The following CADM1 variants were observed in gnomAD, a reference collection of about 807,000 sequenced individuals.
CADM1 encodes TSLC-1.
Under a neutral mutation model 53.1 loss-of-function variants are expected in CADM1, and 15 were observed. That is an observed-to-expected ratio of 0.28 (90% CI 0.19 to 0.44). The LOEUF (loss-of-function observed/expected upper bound fraction) is 0.44, where lower values mean the gene tolerates loss of function less well. Ranked by LOEUF, CADM1 falls within the 20% of genes least tolerant of loss-of-function variation. The probability of loss-of-function intolerance (pLI) is 1.00; values close to 1 mark genes in which losing one functional copy is unlikely to be tolerated. For synonymous variants in CADM1, 281 were observed against 243.0 expected (o/e 1.16, Z -1.45); for missense variants, 434 against 611.3 (o/e 0.71, Z 3.06).
intron 1 of CADM1, among the ~76,000 whole-genome samples, chr11:115,484,855 G>C (rs920111299): frequency 6.6e-6 from 1 of 151,824 alleles, no homozygotes. Context: ...GCTGAGGCAG[G>C]AGAATGGCGT....
At chr11:115,338,936 G>T (rs1591723078) in intron 1 of CADM1, among the ~76,000 whole-genome samples, 2 of 125,794 alleles carry the variant, frequency 1.6e-5, no homozygotes, top group Admixed American at 8.9e-5. Flanking sequence ...GGGTACATGT[G>T]CACATTGTGC....
intron 1 of CADM1, among the ~76,000 whole-genome samples, chr11:115,305,016 T>C (rs1337870183): frequency 6.6e-6 from 1 of 152,018 alleles, no homozygotes; most frequent in Non-Finnish European, 1.5e-5. Context: ...AATTCAAGAC[T>C]GCACAGACTG....
intron 1 of CADM1, among the ~76,000 whole-genome samples, chr11:115,392,294 A>G (rs1946855739): frequency 1.3e-5 from 2 of 152,140 alleles, no homozygotes; most frequent in African/African-American, 2.4e-5. Context: ...CACGTAATAG[A>G]TACTCAATAA....
chr11:115,438,595 A>G (rs1300486967), intron 1 of CADM1, among the ~76,000 whole-genome samples: 1 of 152,228 alleles, frequency 6.6e-6, no homozygotes, highest in Non-Finnish European at 1.5e-5. Context: ...AGAAAAATTT[A>G]TAGGCAAGTG....
At chr11:115,482,654 T>C (rs1393624662) in intron 1 of CADM1, among the ~76,000 whole-genome samples, 1 of 152,224 alleles carries the variant, frequency 6.6e-6, no homozygotes, top group African/African-American at 2.4e-5. Context: ...TGGTTAATTC[T>C]GTTTGGAAAA....
chr11:115,434,773 A>G (rs1948141084), intron 1 of CADM1, among the ~76,000 whole-genome samples: 2 of 152,060 alleles, frequency 1.3e-5, no homozygotes, highest in African/African-American at 4.8e-5. Flanking sequence ...AATGGAATGA[A>G]CTATACTCTC....
intron 1 of CADM1, among the ~76,000 whole-genome samples, chr11:115,266,043 T>G (rs1943124757): frequency 6.6e-6 from 1 of 152,158 alleles, no homozygotes; most frequent in Non-Finnish European, 1.5e-5. Context: ...TTAATAAGCC[T>G]TCCAGATGAT....
intron 1 of CADM1, among the ~76,000 whole-genome samples, chr11:115,387,900 T>TAAA (rs575681501): frequency 6.9e-6 from 1 of 144,352 alleles, no homozygotes; most frequent in South Asian, 2.2e-4. Flanking sequence ...CTTTCTCCTC[T>TAAA]AAAAAAAAAA....
intron 1 of CADM1, among the ~76,000 whole-genome samples, chr11:115,493,118 T>C (rs1949535827): frequency 6.6e-6 from 1 of 151,876 alleles, no homozygotes. Context: ...GGCAGGAAAA[T>C]ACAATGTAAA....
At chr11:115,490,542 GCGCCTA>G (rs1260699034) in intron 1 of CADM1, among the ~76,000 whole-genome samples, 2 of 151,902 alleles carry the variant, frequency 1.3e-5, no homozygotes, top group Non-Finnish European at 2.9e-5. Flanking sequence ...GGGACTACAG[GCGCCTA>G]CCACCACGCC....
At chr11:115,273,451 A>G (rs1434868252) in intron 1 of CADM1, among the ~76,000 whole-genome samples, 1 of 152,244 alleles carries the variant, frequency 6.6e-6, no homozygotes, top group Non-Finnish European at 1.5e-5. Context: ...CATACCAGAT[A>G]TCAGTTCGAT....
chr11:115,433,178 T>G (rs1221922048), intron 1 of CADM1, among the ~76,000 whole-genome samples: 1 of 152,194 alleles, frequency 6.6e-6, no homozygotes, highest in Non-Finnish European at 1.5e-5. Context: ...TGCTGATTGC[T>G]GTACAGTGAC....
In CADM1 at chr11:115,214,827, T is replaced by G. The variant is rs754040804; in HGVS notation, c.822-47A>C. Reference sequence around the variant, plus strand: ...GACAAGTCACATTATCATTCCCCATTGCATCAAACTGCTCACCCACATGCA... The same window carrying G: ...GACAAGTCACATTATCATTCCCCATGGCATCAAACTGCTCACCCACATGCA... On this transcript the variant is annotated intron_variant, in intron 6 of 11. Coordinates refer to ENST00000331581, the MANE Select transcript of CADM1 (RefSeq NM_001301043.2). 1.2e-5 allele frequency: 18 copies of G among 1,551,118 alleles called. No homozygotes were observed. In the Admixed American group the frequency reaches 3.0e-4, roughly 26 times the overall value.
intron 1 of CADM1, among the ~76,000 whole-genome samples, chr11:115,266,622 C>T (rs1943148028): frequency 6.6e-6 from 1 of 152,204 alleles, no homozygotes; most frequent in Non-Finnish European, 1.5e-5. Flanking sequence ...TAATTTATAG[C>T]CACATGAGTA....
intron 1 of CADM1, among the ~76,000 whole-genome samples, chr11:115,324,903 T>A (rs914611197): frequency 4.6e-5 from 7 of 152,184 alleles, no homozygotes; most frequent in African/African-American, 1.7e-4. Flanking sequence ...TCACTGGTAT[T>A]GGCAAGCTCT....
At chr11:115,260,815 G>A (rs1942951614) in intron 1 of CADM1, among the ~76,000 whole-genome samples, 1 of 151,192 alleles carries the variant, frequency 6.6e-6, no homozygotes, top group African/African-American at 2.4e-5. Flanking sequence ...TGGGACTACA[G>A]GCGCCTGCCA....
At chr11:115,364,045 T>C (rs1284431625) in intron 1 of CADM1, among the ~76,000 whole-genome samples, 1 of 150,926 alleles carries the variant, frequency 6.6e-6, no homozygotes, top group African/African-American at 2.4e-5. Context: ...CACTCTATGA[T>C]CCACAAAAAA....
chr11:115,182,992 C>T (rs920961762), intron 10 of CADM1, among the ~76,000 whole-genome samples: 1 of 152,184 alleles, frequency 6.6e-6, no homozygotes, highest in Non-Finnish European at 1.5e-5. Flanking sequence ...GCTTTAGCAT[C>T]TTAGAAATTG....
Position 115,307,515 on chromosome 11 carries a change from A to ATAT in CADM1, c.125-67096_125-67095insATA, listed in dbSNP as rs1045833980. 2.4e-3 allele frequency among the ~76,000 whole-genome samples: 286 copies of ATAT among 117,868 alleles called. 2 individuals are homozygous for ATAT. The highest frequency in any genetic ancestry group is 0.021 in the South Asian group (60 of 2,820). 77.3% of individuals were successfully genotyped at this position (117,868 alleles called of 152,430 possible). Reference sequence around the variant, plus strand: ...TTCAACTATTTAAGCCAGGAAAAAAAAAATATATATATATATATATGCTGA... The same window carrying ATAT: ...TTCAACTATTTAAGCCAGGAAAAAAATATAAATATATATATATATATATGCTGA... On this transcript the variant is annotated intron_variant, in intron 1 of 11. Transcript: ENST00000331581.
Sources: gnomAD v4.1 joint callset for allele counts (sites outside exome capture counted in the v4.1 genomes callset) on GRCh38, gnomAD v4.1.1 for gene constraint, MANE v1.5 for transcripts, NCBI Gene and HGNC (gene_info 2026-07-23, HGNC 2026-07-21) for gene names.